Variants in LTBP2 observed in about 807,000 individuals in gnomAD.
LTBP2 encodes latent transforming growth factor beta binding protein 2.
Under a neutral mutation model 210.6 loss-of-function variants are expected in LTBP2, and 103 were observed. The observed-to-expected ratio is 0.49, with a 90% CI of 0.42 to 0.58. The LOEUF is 0.58. Among genes scored for constraint, LTBP2 ranks in the 20% least tolerant of loss-of-function variants. The probability of loss-of-function intolerance (pLI) is 0.00; values close to 1 mark genes in which losing one functional copy is unlikely to be tolerated. For synonymous variants in LTBP2, 1,007 were observed against 1,015.0 expected, an observed-to-expected ratio of 0.99 and a Z score of 0.15; for missense variants, 2,313 against 2,494.5, an observed-to-expected ratio of 0.93 and a Z score of 1.55.
At chr14:74,566,275 C>T (rs2087901234) in intron 3 of LTBP2, among the ~76,000 whole-genome samples, 1 of 152,136 alleles carries the variant, frequency 6.6e-6, no homozygotes, top group Non-Finnish European at 1.5e-5. Flanking sequence ...TAGGGAACAC[C>T]AACGCTTAAG....
At chr14:74,513,677 C>T (rs967494877) in intron 18 of LTBP2, among the ~76,000 whole-genome samples, 1 of 149,934 alleles carries the variant, frequency 6.7e-6, no homozygotes, top group African/African-American at 2.5e-5. Flanking sequence ...GTGGTGGGCA[C>T]CTGTAGTCCC....
intron 3 of LTBP2, among the ~76,000 whole-genome samples, chr14:74,584,751 T>C (rs528708792): frequency 6.6e-6 from 1 of 152,098 alleles, no homozygotes; most frequent in Non-Finnish European, 1.5e-5. Flanking sequence ...TTGGAAAACA[T>C]CTGCTTGGGT....
intron 3 of LTBP2, among the ~76,000 whole-genome samples, chr14:74,572,310 TGTGTGTGTGTGTGA>T (rs1566644639): frequency 9.0e-4 from 114 of 127,172 alleles, no homozygotes; most frequent in Non-Finnish European, 1.8e-3. Context: ...TGTGTGTCTG[TGTGTGTGTGTGTGA>T]GAGAGAGAGA....
chr14:74,526,554 A>G (rs530693809), intron 13 of LTBP2, among the ~76,000 whole-genome samples: 1 of 152,290 alleles, frequency 6.6e-6, no homozygotes, highest in East Asian at 1.9e-4. Context: ...AGTGGACAGA[A>G]TTTGCTGAGA....
At position 74,511,693 on chromosome 14, in the gene LTBP2, G is replaced by A. The variant is rs142495355; in HGVS notation, c.2909-329C>T. On this transcript the variant is annotated intron_variant, in intron 18 of 35. Transcript: ENST00000261978. ...GATGGGCTTTCATCTCTCCCCTGGC[G>A]AATTCCTAATCCTTTATAAGCAGTG... Among the ~76,000 whole-genome samples, 634 of 152,274 alleles carry A rather than the reference G, an allele frequency of 4.2e-3. 7 individuals are homozygous for A. Among genetic ancestry groups the A allele is most frequent in the African/African-American group, 0.014 (590 of 41,542 alleles).
At chr14:74,547,269 C>T (rs1173557981) in intron 8 of LTBP2, among the ~76,000 whole-genome samples, 1 of 152,146 alleles carries the variant, frequency 6.6e-6, no homozygotes, top group Non-Finnish European at 1.5e-5. Context: ...AGATACTGAC[C>T]CAAGGACCCT....
intron 17 of LTBP2, 119 bp downstream of exon 17, chr14:74,521,792 C>G (rs2087205731): frequency 7.3e-7 from 1 of 1,372,758 alleles, no homozygotes; most frequent in Non-Finnish European, 1.0e-6. Context: ...CTCCTTCACT[C>G]CTTCAGCTGC....
intron 25 of LTBP2, 142 bp downstream of exon 25, chr14:74,507,831 G>C (rs1292446426): frequency 2.7e-6 from 3 of 1,128,206 alleles, no homozygotes; most frequent in Non-Finnish European, 3.9e-6. Flanking sequence ...GACAGCCCCT[G>C]AGCCCTGAGT....
At chr14:74,600,457 C>T (rs2139804523) in intron 2 of LTBP2, among the ~76,000 whole-genome samples, 1 of 152,278 alleles carries the variant, frequency 6.6e-6, no homozygotes, top group African/African-American at 2.4e-5. Flanking sequence ...AAGGATGCCC[C>T]CACACACATG....
chr14:74,543,206 G>A (rs1026346707), intron 8 of LTBP2, among the ~76,000 whole-genome samples: 8 of 151,618 alleles, frequency 5.3e-5, no homozygotes, highest in African/African-American at 9.7e-5. Flanking sequence ...GTGAAACTCC[G>A]TCTCTCCTAA....
intron 13 of LTBP2, 43 bp from the exon 14 acceptor site, chr14:74,526,157 T>C: frequency 1.0e-5 from 16 of 1,570,962 alleles, no homozygotes; most frequent in Non-Finnish European, 1.4e-5. Flanking sequence ...TCCTCTGCCG[T>C]ACCTGTGATG....
intron 35 of LTBP2, 125 bp downstream of exon 35, chr14:74,501,316 T>G: frequency 6.9e-7 from 1 of 1,445,884 alleles, no homozygotes; most frequent in Non-Finnish European, 9.7e-7. Context: ...GGCGCTTTCT[T>G]CCCTTCCAGC....
At chr14:74,505,546 C>T (rs1421009651) in intron 28 of LTBP2, among the ~76,000 whole-genome samples, 1 of 152,326 alleles carries the variant, frequency 6.6e-6, no homozygotes, top group East Asian at 1.9e-4. Flanking sequence ...GTCCATTCTG[C>T]TTCACATGTA....
chr14:74,508,326 G>A (rs1331208447), intron 24 of LTBP2, among the ~76,000 whole-genome samples: 7 of 152,144 alleles, frequency 4.6e-5, no homozygotes, highest in Non-Finnish European at 8.8e-5. Context: ...AGTGACACTC[G>A]GAGTTTGGAG....
At chr14:74,509,429 C>T in intron 21 of LTBP2, 66 bp from the exon 22 acceptor site, 1 of 1,606,320 alleles carries the variant, frequency 6.2e-7, no homozygotes, top group Middle Eastern at 1.7e-4. Context: ...ATGCAGGAAC[C>T]TCACCGTGGC....
intron 17 of LTBP2, among the ~76,000 whole-genome samples, chr14:74,519,331 A>G (rs866865388): frequency 1.3e-5 from 2 of 152,170 alleles, no homozygotes; most frequent in African/African-American, 4.8e-5. Flanking sequence ...GGACTCCTAA[A>G]GAGCCCCAGG....
At chr14:74,577,550 C>T (rs1002315042) in intron 3 of LTBP2, among the ~76,000 whole-genome samples, 5 of 150,640 alleles carry the variant, frequency 3.3e-5, no homozygotes, top group South Asian at 2.1e-4. Flanking sequence ...ACTCTGTTGC[C>T]CAGGCTGGAG....
At chr14:74,564,329 A>T (rs866887731) in intron 3 of LTBP2, among the ~76,000 whole-genome samples, 3 of 11,542 alleles carry the variant, frequency 2.6e-4, no homozygotes, top group African/African-American at 3.6e-4. Context: ...TTATATATAT[A>T]TTTATATATA....
chr14:74,507,692 T>C (rs550676994), intron 25 of LTBP2, among the ~76,000 whole-genome samples: 2 of 152,382 alleles, frequency 1.3e-5, no homozygotes, highest in East Asian at 3.9e-4. Context: ...CATAACTGTC[T>C]ATTTGTCCTA....
Sources: allele counts gnomAD v4.1 joint callset (sites outside exome capture counted in the v4.1 genomes callset), GRCh38; gene constraint gnomAD v4.1.1; transcripts MANE v1.5; gene names NCBI Gene and HGNC (gene_info 2026-07-23, HGNC 2026-07-21).